The following DNM3 variants were observed in gnomAD, a reference collection of about 807,000 sequenced individuals.
DNM3 encodes dynamin-3.
In DNM3, 47 loss-of-function variants were observed where a neutral mutation model predicts 101.6. The ratio of observed to expected loss-of-function variants is 0.46; its 90% CI spans 0.37 to 0.59. DNM3 has a LOEUF of 0.59. Ranked by LOEUF, DNM3 falls within the 20% of genes least tolerant of loss-of-function variation. DNM3 has a pLI of 0.00. For missense variants in DNM3, 849 were observed against 1,085.7 expected, an observed-to-expected ratio of 0.78 and a Z score of 3.06; for synonymous variants, 385 against 387.9, an observed-to-expected ratio of 0.99 and a Z score of 0.09.
At chr1:172,040,594 T>C (rs986149091) in intron 7 of DNM3, among the ~76,000 whole-genome samples, 44 of 151,798 alleles carry the variant, frequency 2.9e-4, no homozygotes, top group African/African-American at 6.8e-4. Flanking sequence ...CAGGGAAAGG[T>C]AAAGAAAACA....
chr1:172,268,125 C>G lies in DNM3; in HGVS notation c.1769+14443C>G, dbSNP rs568958501. Among the ~76,000 whole-genome samples the G allele has an allele frequency of 1.1e-3, 167 of 152,256 alleles. 1 individual carries two copies. Among genetic ancestry groups the G allele is most frequent in the Non-Finnish European group, 1.9e-3 (128 of 68,016 alleles). On this transcript the variant is annotated intron_variant, in intron 15 of 20. Transcript: ENST00000627582. ...TGCTAGAACTATTAAGTTCACAGGG[C>G]TCAGACAGAGACTTGAGGACTCTTA...
chr1:171,939,366 G>T (rs570602308), intron 2 of DNM3, among the ~76,000 whole-genome samples: 1 of 152,276 alleles, frequency 6.6e-6, no homozygotes, highest in East Asian at 1.9e-4. Flanking sequence ...TGAGGTTAAA[G>T]TGATTTTTGA....
At chr1:172,043,085 G>T (rs2049508721) in intron 8 of DNM3, among the ~76,000 whole-genome samples, 1 of 152,150 alleles carries the variant, frequency 6.6e-6, no homozygotes. Context: ...AGGGGGAAAT[G>T]CTGAGAATTA....
chr1:172,311,471 G>A (rs1423641680), intron 16 of DNM3, among the ~76,000 whole-genome samples: 1 of 152,254 alleles, frequency 6.6e-6, no homozygotes. Context: ...AGCCAGGCAC[G>A]GTGGCACACA....
rs2040170685 is a variant in DNM3 at position 171,921,561 on chromosome 1, A to G, written c.162-187A>G. Among the ~76,000 whole-genome samples the G allele has an allele frequency of 1.3e-5, 2 of 152,212 alleles. 1 individual carries two copies. The highest frequency in any genetic ancestry group is 4.1e-4 in the South Asian group (2 of 4,834). The stretch of plus-strand genomic sequence containing the variant: ...ATGTACATGGATTTCTGTGCAATAT[A>G]AGGCCCTCCTCCTCCTTTTTTTTAA... On this transcript the variant is annotated intron_variant, in intron 1 of 20. Transcript: ENST00000627582.
At chr1:171,932,060 C>G (rs1205887993) in intron 2 of DNM3, among the ~76,000 whole-genome samples, 2 of 111,086 alleles carry the variant, frequency 1.8e-5, no homozygotes, top group African/African-American at 7.2e-5. Context: ...CCCACCCTCC[C>G]TCCATTCCTC....
At chr1:172,305,301 T>A (rs1454796399) in intron 15 of DNM3, among the ~76,000 whole-genome samples, 1 of 152,216 alleles carries the variant, frequency 6.6e-6, no homozygotes. Context: ...GATAAATTCC[T>A]GGACACATAC....
chr1:171,909,187 T>C lies in DNM3; in HGVS notation c.162-12561T>C, dbSNP rs1289032995. On this transcript the variant is annotated intron_variant, in intron 1 of 20. Coordinates refer to ENST00000627582, the MANE Select transcript of DNM3 (RefSeq NM_015569.5). ...TGGGCATTGTGGCTCACGCCTGTAATGTCAGCACTTTGGGAGGCCGAGCTG... is the reference window on the plus strand; with the variant it reads ...TGGGCATTGTGGCTCACGCCTGTAACGTCAGCACTTTGGGAGGCCGAGCTG... Among the ~76,000 whole-genome samples, 4 of 152,132 alleles carry C rather than the reference T, an allele frequency of 2.6e-5. No homozygotes were observed. The South Asian group carries it at 6.2e-4, about 24-fold the overall frequency.
intron 4 of DNM3, among the ~76,000 whole-genome samples, chr1:172,018,729 T>C (rs1304661157): frequency 1.3e-5 from 2 of 152,254 alleles, no homozygotes; most frequent in Non-Finnish European, 2.9e-5. Context: ...ACATTGTTGC[T>C]ATTATTTTGA....
At chr1:171,990,822 T>A (rs2045584402) in intron 4 of DNM3, among the ~76,000 whole-genome samples, 1 of 152,166 alleles carries the variant, frequency 6.6e-6, no homozygotes, top group African/African-American at 2.4e-5. Flanking sequence ...AAACTGGGGC[T>A]TGTAACAAGC....
At position 171,847,896 on chromosome 1, in the gene DNM3, C is replaced by CTGTGTG. The variant is rs752990905; in HGVS notation, c.161+6110_161+6115dup. ...TATTAATTACTCTCTCTCTCTCTCT[C>CTGTGTG]TGTGTGTGTGTGTGTGTGTGTGTGT... On this transcript the variant is annotated intron_variant, in intron 1 of 20. Coordinates refer to ENST00000627582, the MANE Select transcript of DNM3 (RefSeq NM_015569.5). 3.3e-3 allele frequency among the ~76,000 whole-genome samples: 461 copies of CTGTGTG among 141,216 alleles called. 3 individuals carry two copies. The highest frequency in any genetic ancestry group is 0.016 in the South Asian group (67 of 4,122). The allele number at this position is 141,216 out of a possible 152,430, so 92.6% of individuals were successfully genotyped here. A position where few individuals can be genotyped will look rare whatever the true frequency, so the allele number is the denominator to read the frequency against.
At chr1:172,084,706 A>G (rs2053409449) in intron 12 of DNM3, among the ~76,000 whole-genome samples, 1 of 152,170 alleles carries the variant, frequency 6.6e-6, no homozygotes, top group Admixed American at 6.5e-5. Context: ...GAAGACAATT[A>G]TGTAAGTATT....
At chr1:172,259,068 T>C (rs2062538543) in intron 15 of DNM3, among the ~76,000 whole-genome samples, 2 of 152,106 alleles carry the variant, frequency 1.3e-5, no homozygotes, top group African/African-American at 2.4e-5. Context: ...AAAATATCTC[T>C]TGTTATTGAT....
At chr1:172,392,296 T>C (rs2069588099) in intron 20 of DNM3, among the ~76,000 whole-genome samples, 2 of 152,178 alleles carry the variant, frequency 1.3e-5, no homozygotes, top group Non-Finnish European at 2.9e-5. Flanking sequence ...ATTGGTAACT[T>C]GAGTATACAC....
rs2071109837 is a variant in DNM3 at position 172,409,845 on chromosome 1, G to C, written c.*2004G>C. The C allele has an allele frequency of 1.0e-6, 1 of 985,546 alleles. No homozygotes were observed. 61.1% of individuals were successfully genotyped at this position (985,546 alleles called of 1,614,324 possible). On this transcript the variant is annotated 3_prime_UTR_variant, in exon 21 of 21. Transcript: ENST00000627582. ...GGCTTTGTGCTAAATGTGGTTTTGT[G>C]TTTTGCTGTATTTCAAAATTTTCCT...
chr1:172,040,162 GGGAA>G (rs1329392793), intron 7 of DNM3, among the ~76,000 whole-genome samples: 1 of 152,098 alleles, frequency 6.6e-6, no homozygotes, highest in Non-Finnish European at 1.5e-5. Flanking sequence ...TAGGGTTTAA[GGGAA>G]GGAGCAGCTA....
At chr1:172,101,207 G>A (rs1292835135) in intron 13 of DNM3, among the ~76,000 whole-genome samples, 1 of 152,070 alleles carries the variant, frequency 6.6e-6, no homozygotes, top group Non-Finnish European at 1.5e-5. Context: ...TTGGATACTA[G>A]GATTTTTGTG....
intron 1 of DNM3, among the ~76,000 whole-genome samples, chr1:171,879,756 A>G (rs2036105206): frequency 6.6e-6 from 1 of 152,190 alleles, no homozygotes; most frequent in Admixed American, 6.5e-5. Flanking sequence ...CCTAGCCACA[A>G]CCAGGAGTCA....
intron 13 of DNM3, among the ~76,000 whole-genome samples, chr1:172,105,525 G>A (rs2054948636): frequency 6.6e-6 from 1 of 152,148 alleles, no homozygotes; most frequent in African/African-American, 2.4e-5. Context: ...GCAGCAGTCT[G>A]TTTTAATAAC....
Sources: gnomAD v4.1 joint callset for allele counts (sites outside exome capture counted in the v4.1 genomes callset) on GRCh38, gnomAD v4.1.1 for gene constraint, MANE v1.5 for transcripts, NCBI Gene and HGNC (gene_info 2026-07-23, HGNC 2026-07-21) for gene names.